Variants in RPAP2 observed in about 807,000 individuals in gnomAD.
RPAP2 encodes the protein putative RNA polymerase II subunit B1 CTD phosphatase RPAP2.
A neutral mutation model predicts 73.1 loss-of-function variants in RPAP2; 52 were observed. The ratio of observed to expected loss-of-function variants is 0.71; its 90% CI spans 0.57 to 0.90. The LOEUF (loss-of-function observed/expected upper bound fraction) is 0.90, where lower values mean the gene tolerates loss of function less well. Among genes scored for constraint, RPAP2 ranks in the 40% least tolerant of loss-of-function variants. The pLI is 0.00. For synonymous variants in RPAP2, 225 were observed against 242.1 expected (o/e 0.93, Z 0.65); for missense variants, 598 against 701.8 (o/e 0.85, Z 1.67).
At chr1:92,356,429 A>AT (rs1044944760) in intron 11 of RPAP2, among the ~76,000 whole-genome samples, 1 of 151,418 alleles carries the variant, frequency 6.6e-6, no homozygotes, top group Non-Finnish European at 1.5e-5. Flanking sequence ...TTTTGTTTTT[A>AT]TTTTTTGAGA....
intron 1 of RPAP2, 106 bp from the exon 2 acceptor site, chr1:92,300,088 G>A (rs1179687355): frequency 2.8e-6 from 2 of 721,606 alleles, no homozygotes; most frequent in Middle Eastern, 3.8e-4. Flanking sequence ...CATAGAAAAG[G>A]TACAGTAAAA....
intron 6 of RPAP2, among the ~76,000 whole-genome samples, chr1:92,313,332 A>T (rs1651706760): frequency 6.6e-6 from 1 of 152,218 alleles, no homozygotes; most frequent in African/African-American, 2.4e-5. Flanking sequence ...TGGGCTGCAG[A>T]ATGGATATTG....
rs1036469905 is a variant in RPAP2 at position 92,392,603 on chromosome 1, T to C, written c.*5592T>C. ...AGAGAGGAAGTCAAATTGTCTCTGT[T>C]TGCAGATGACATGATTGTATATTTA... On this transcript the variant is annotated 3_prime_UTR_variant, in exon 13 of 13. Coordinates refer to ENST00000610020, the MANE Select transcript of RPAP2 (RefSeq NM_024813.3). 1 of 152,198 alleles carries C rather than the reference T, an allele frequency of 6.6e-6. No homozygotes were observed. Among genetic ancestry groups the C allele is most frequent in the African/African-American group, 2.4e-5 (1 of 41,436 alleles). The allele number at this position is 152,198 out of a possible 1,614,324, so 9.4% of individuals were successfully genotyped here. A position where few individuals can be genotyped will look rare whatever the true frequency, so the allele number is the denominator to read the frequency against.
At chr1:92,335,387 A>C (rs1653222608) in intron 9 of RPAP2, among the ~76,000 whole-genome samples, 1 of 152,176 alleles carries the variant, frequency 6.6e-6, no homozygotes, top group South Asian at 2.1e-4. Flanking sequence ...TCTTAAAAAG[A>C]AGCTTAAAAA....
chr1:92,385,564 T>C (rs949850069), intron 12 of RPAP2, among the ~76,000 whole-genome samples: 1 of 152,200 alleles, frequency 6.6e-6, no homozygotes, highest in African/African-American at 2.4e-5. Flanking sequence ...TGCATTATTT[T>C]GGTATGCCAT....
chr1:92,331,165 C>T (rs1324213811), intron 8 of RPAP2, among the ~76,000 whole-genome samples: 1 of 152,180 alleles, frequency 6.6e-6, no homozygotes, highest in African/African-American at 2.4e-5. Context: ...GTTATGTCTT[C>T]CTGGTGAATT....
At chr1:92,371,495 T>C (rs1655152364) in intron 11 of RPAP2, among the ~76,000 whole-genome samples, 1 of 151,750 alleles carries the variant, frequency 6.6e-6, no homozygotes, top group African/African-American at 2.4e-5. Context: ...CATTGCAGCA[T>C]TGTTCACAAT....
chr1:92,380,672 C>T (rs1029832462), intron 11 of RPAP2, 52 bp from the exon 12 acceptor site: 1 of 1,367,986 alleles, frequency 7.3e-7, no homozygotes, highest in Admixed American at 2.7e-5. Context: ...ATAGGAGTCC[C>T]TTTGCCCTTA....
chr1:92,334,179 C>G (rs1028069565), intron 9 of RPAP2, among the ~76,000 whole-genome samples: 1 of 152,080 alleles, frequency 6.6e-6, no homozygotes, highest in Admixed American at 6.6e-5. Context: ...TATTTTGTAG[C>G]AGTTTGAAAA....
At position 92,396,247 on chromosome 1, in the gene RPAP2, T is replaced by G. The variant is rs1465667881; in HGVS notation, c.*9236T>G. On this transcript the variant is annotated 3_prime_UTR_variant, in exon 13 of 13. Transcript: ENST00000610020. ...TGAGGCCTCACTATGTTGCATACTC[T>G]GAAGTCAAACTCCTGGGCTCAAACA... 1 of 151,926 alleles carries G rather than the reference T, an allele frequency of 6.6e-6. No individual in the cohort carries two copies. The highest frequency in any genetic ancestry group is 1.5e-5 in the Non-Finnish European group (1 of 67,976). 9.4% of individuals were successfully genotyped at this position (151,926 alleles called of 1,614,324 possible). A position where few individuals can be genotyped will look rare whatever the true frequency, so the allele number is the denominator to read the frequency against.
At chr1:92,364,659 C>A (rs1016125603) in intron 11 of RPAP2, among the ~76,000 whole-genome samples, 1 of 152,158 alleles carries the variant, frequency 6.6e-6, no homozygotes, top group African/African-American at 2.4e-5. Context: ...TCTCTCATAT[C>A]TAATCAATTG....
At chr1:92,359,907 G>A (rs894569030) in intron 11 of RPAP2, among the ~76,000 whole-genome samples, 4 of 152,168 alleles carry the variant, frequency 2.6e-5, no homozygotes, top group African/African-American at 9.7e-5. Flanking sequence ...GCAGAAAAGG[G>A]GAGGGAGGGG....
chr1:92,384,191 C>T (rs182171076), intron 12 of RPAP2, among the ~76,000 whole-genome samples: 3 of 151,424 alleles, frequency 2.0e-5, no homozygotes, highest in Admixed American at 2.0e-4. Context: ...TTCTTGACCT[C>T]GTGATCTGCC....
intron 12 of RPAP2, among the ~76,000 whole-genome samples, chr1:92,381,433 C>G (rs1316630256): frequency 6.6e-6 from 1 of 152,160 alleles, no homozygotes; most frequent in East Asian, 1.9e-4. Context: ...TCAGAATATT[C>G]CCTTCCTTGT....
At chr1:92,301,302 A>G (rs1215250011) in intron 2 of RPAP2, among the ~76,000 whole-genome samples, 174 bp from the exon 3 acceptor site, 2 of 152,222 alleles carry the variant, frequency 1.3e-5, no homozygotes, top group African/African-American at 4.8e-5. Flanking sequence ...TGAGCAACAT[A>G]GTGAGACCTT....
Position 92,397,852 on chromosome 1 carries a change from G to C in RPAP2, c.*10841G>C, listed in dbSNP as rs1425668187. ...ATAGAAGCATGTCAGACAGACACAG[G>C]AGCCAATCTGAAAGAGCTCCCTGGC... is the stretch of plus-strand genomic sequence containing the variant. On this transcript the variant is annotated 3_prime_UTR_variant, in exon 13 of 13. Transcript: ENST00000610020. 1.3e-5 allele frequency: 2 copies of C among 152,266 alleles called. No individual in the cohort carries two copies. Among genetic ancestry groups the C allele is most frequent in the East Asian group, 1.9e-4 (1 of 5,194 alleles). 9.4% of individuals were successfully genotyped at this position (152,266 alleles called of 1,614,324 possible).
intron 12 of RPAP2, among the ~76,000 whole-genome samples, chr1:92,382,117 G>A (rs1655667478): frequency 6.6e-6 from 1 of 151,968 alleles, no homozygotes; most frequent in African/African-American, 2.4e-5. Flanking sequence ...TTTTATGGCT[G>A]CATAGTATTC....
chr1:92,388,949 T>G lies in RPAP2; in HGVS notation c.*1938T>G, dbSNP rs1470776704. ...GCCTACTGTCTCTGTAGATTCCACC[T>G]CCAGGGGCAGGGCATATCTGAACAA... On this transcript the variant is annotated 3_prime_UTR_variant, in exon 13 of 13. Coordinates refer to ENST00000610020, the MANE Select transcript of RPAP2 (RefSeq NM_024813.3). 1.3e-5 allele frequency: 2 copies of G among 152,296 alleles called. No homozygotes were observed. Among genetic ancestry groups the G allele is most frequent in the Non-Finnish European group, 1.5e-5 (1 of 68,124 alleles). 9.4% of individuals were successfully genotyped at this position (152,296 alleles called of 1,614,324 possible).
At chr1:92,317,369 G>A (rs1288076229) in intron 6 of RPAP2, among the ~76,000 whole-genome samples, 4 of 151,912 alleles carry the variant, frequency 2.6e-5, no homozygotes, top group African/African-American at 4.8e-5. Flanking sequence ...TGAGCTGGGC[G>A]TAGTGGCGGG....
Sources: allele counts gnomAD v4.1 joint callset (sites outside exome capture counted in the v4.1 genomes callset), GRCh38; gene constraint gnomAD v4.1.1; transcripts MANE v1.5; gene names NCBI Gene and HGNC (gene_info 2026-07-23, HGNC 2026-07-21).